BBS9: variants seen among roughly 807,000 people sequenced by gnomAD.
BBS9 encodes protein PTHB1.
In BBS9, 89 loss-of-function variants were observed where a neutral mutation model predicts 117.7. That is an observed-to-expected ratio of 0.76 (90% CI 0.64 to 0.90). The LOEUF is 0.90. BBS9 is among the 40% of genes least tolerant of loss of function. The probability of loss-of-function intolerance (pLI) is 0.00; values close to 1 mark genes in which losing one functional copy is unlikely to be tolerated. For missense variants in BBS9, 982 were observed against 1,042.2 expected (o/e 0.94, Z 0.80); for synonymous variants, 379 against 370.9 (o/e 1.02, Z -0.25).
intron 19 of BBS9, among the ~76,000 whole-genome samples, chr7:33,504,983 A>G (rs1845942118): frequency 6.6e-6 from 1 of 152,186 alleles, no homozygotes; most frequent in Non-Finnish European, 1.5e-5. Context: ...AGATATCTCA[A>G]TACCATGTAG....
intron 22 of BBS9, 87 bp downstream of exon 22, chr7:33,605,062 C>T (rs1222903717): frequency 2.0e-5 from 29 of 1,461,450 alleles, no homozygotes; most frequent in South Asian, 1.3e-4. Context: ...GAGAGCATTC[C>T]GCAAAGCTGC....
chr7:33,437,823 C>G (rs990600370), intron 19 of BBS9, among the ~76,000 whole-genome samples: 1 of 152,166 alleles, frequency 6.6e-6, no homozygotes, highest in African/African-American at 2.4e-5. Flanking sequence ...TTGCACTGAG[C>G]CAAGATCCTG....
chr7:33,353,552 A>G (rs920961253), intron 15 of BBS9, among the ~76,000 whole-genome samples: 3 of 152,128 alleles, frequency 2.0e-5, no homozygotes, highest in African/African-American at 2.4e-5. Context: ...TTTGAATTGC[A>G]TACTAACAGA....
At chr7:33,370,583 A>G (rs889669197) in intron 17 of BBS9, among the ~76,000 whole-genome samples, 4 of 152,360 alleles carry the variant, frequency 2.6e-5, no homozygotes, top group African/African-American at 9.6e-5. Flanking sequence ...GTGAGATCAA[A>G]TGTTTTTATA....
Position 33,489,715 on chromosome 7 carries a change from G to A in BBS9, c.2116-15748G>A, listed in dbSNP as rs1000834795. ...GTGTTTTTAGGGGAATTAAAATGAT[G>A]GCCACAGGATAAAACCCTAGAGAAC... On this transcript the variant is annotated intron_variant, in intron 19 of 22. Transcript: ENST00000242067. Among the ~76,000 whole-genome samples the A allele has an allele frequency of 3.9e-5, 6 of 152,126 alleles. No individual in the cohort carries two copies. The East Asian group carries it at 1.2e-3, about 29-fold the overall frequency.
Position 33,283,219 on chromosome 7 carries a change from C to T in BBS9, c.1016+9263C>T, listed in dbSNP as rs570422643. ...TGCTTTTATACCTGAAGATAACATC[C>T]GCTTCCCTCTGAAATTTGGACATTC... On this transcript the variant is annotated intron_variant, in intron 9 of 22. Transcript: ENST00000242067. Among the ~76,000 whole-genome samples the T allele has an allele frequency of 7.9e-5, 12 of 152,196 alleles. No individual in the cohort carries two copies. In the South Asian group the frequency reaches 8.3e-4, roughly 11 times the overall value.
intron 21 of BBS9, among the ~76,000 whole-genome samples, chr7:33,590,861 TA>T (rs35153579): frequency 0.14 from 21,565 of 149,878 alleles, 2,023 homozygotes; most frequent in Admixed American, 0.28. Flanking sequence ...TTTTCTTTTT[TA>T]AAAAAAAAAC....
rs148992591 is a variant in BBS9 at position 33,263,088 on chromosome 7, T to G, written c.618-1202T>G. Among the ~76,000 whole-genome samples the G allele has an allele frequency of 6.5e-3, 621 of 95,618 alleles. 5 individuals carry two copies. Among genetic ancestry groups the G allele is most frequent in the Non-Finnish European group, 8.5e-3 (401 of 47,110 alleles). 62.7% of individuals were successfully genotyped at this position (95,618 alleles called of 152,430 possible). ...TTATAAAATGAATGAAATTTATATA[T>G]ATTACGTTTTCATATTAATAAGATC... is the stretch of plus-strand genomic sequence containing the variant. On this transcript the variant is annotated intron_variant, in intron 6 of 22. Transcript: ENST00000242067.
chr7:33,266,071 C>T (rs1562904359), intron 7 of BBS9, among the ~76,000 whole-genome samples: 1 of 152,082 alleles, frequency 6.6e-6, no homozygotes, highest in Non-Finnish European at 1.5e-5. Context: ...CATGGCTCTT[C>T]TTCATTCTAG....
chr7:33,558,968 G>C (rs7779703), intron 21 of BBS9, among the ~76,000 whole-genome samples: 4,033 of 152,288 alleles, frequency 0.026, 179 homozygotes, highest in African/African-American at 0.092. Context: ...ATGCATTCCT[G>C]ACCTTCTTCC....
intron 5 of BBS9, among the ~76,000 whole-genome samples, chr7:33,211,381 C>T (rs1383141633): frequency 6.6e-6 from 1 of 151,994 alleles, no homozygotes; most frequent in African/African-American, 2.4e-5. Context: ...TCTTATTACC[C>T]ATTATTTTAA....
At chr7:33,530,039 CCA>C in intron 20 of BBS9, among the ~76,000 whole-genome samples, 1 of 152,162 alleles carries the variant, frequency 6.6e-6, no homozygotes, top group East Asian at 1.9e-4. Context: ...ATTCTAGATT[CCA>C]CAGTTTTATT....
At position 33,510,632 on chromosome 7, in the gene BBS9, A is replaced by G. The variant is rs538123897; in HGVS notation, c.2298+4987A>G. Among the ~76,000 whole-genome samples the G allele has an allele frequency of 6.6e-5, 10 of 152,310 alleles. No individual in the cohort carries two copies. In the South Asian group the frequency reaches 2.1e-3, roughly 32 times the overall value. ...ATTTACTTTAACATTGCAAGCAAAC[A>G]TTCTAGTCCTGTGCTGCCTAATATG... On this transcript the variant is annotated intron_variant, in intron 20 of 22. Transcript: ENST00000242067.
At chr7:33,395,122 T>C (rs1827725399) in intron 19 of BBS9, among the ~76,000 whole-genome samples, 1 of 152,150 alleles carries the variant, frequency 6.6e-6, no homozygotes, top group African/African-American at 2.4e-5. Context: ...TATATGTATA[T>C]TCATGATCAT....
chr7:33,358,126 G>A, intron 16 of BBS9, 131 bp downstream of exon 16: 2 of 1,185,652 alleles, frequency 1.7e-6, no homozygotes, highest in Non-Finnish European at 2.4e-6. Context: ...ATGCCTCAAG[G>A]ATTTTTCCCT....
chr7:33,528,251 TGA>T (rs1450334142), intron 20 of BBS9, among the ~76,000 whole-genome samples: 2 of 152,352 alleles, frequency 1.3e-5, no homozygotes, highest in Admixed American at 6.5e-5. Flanking sequence ...GGGCCATTTC[TGA>T]GAGTCTTCTC....
chr7:33,322,766 T>A (rs1812006991), intron 9 of BBS9, among the ~76,000 whole-genome samples: 1 of 152,134 alleles, frequency 6.6e-6, no homozygotes, highest in South Asian at 2.1e-4. Context: ...TATTTTTCTC[T>A]TTTAGTAATC....
At chr7:33,357,673 T>C in intron 15 of BBS9, 182 bp from the exon 16 acceptor site, 1 of 717,228 alleles carries the variant, frequency 1.4e-6, no homozygotes, top group Non-Finnish European at 2.5e-6. Flanking sequence ...TTGTACCTTT[T>C]GAAAATAGTA....
chr7:33,570,008 G>A (rs1277816905), intron 21 of BBS9, among the ~76,000 whole-genome samples: 2 of 152,152 alleles, frequency 1.3e-5, no homozygotes, highest in Non-Finnish European at 2.9e-5. Flanking sequence ...ATCTTAAAAA[G>A]TGGTTTTATT....
Sources: allele counts gnomAD v4.1 joint callset (sites outside exome capture counted in the v4.1 genomes callset), GRCh38; gene constraint gnomAD v4.1.1; transcripts MANE v1.5; gene names NCBI Gene and HGNC (gene_info 2026-07-23, HGNC 2026-07-21).